AUTS2: variants seen among roughly 807,000 people sequenced by gnomAD.
AUTS2 encodes autism susceptibility gene 2 protein.
In AUTS2, 17 loss-of-function variants were observed where a neutral mutation model predicts 112.4. The observed-to-expected ratio is 0.15, with a 90% CI of 0.10 to 0.23. The LOEUF (loss-of-function observed/expected upper bound fraction) is 0.23, where lower values mean the gene tolerates loss of function less well. Among genes scored for constraint, AUTS2 ranks in the 10% least tolerant of loss-of-function variants. The pLI is 1.00. For synonymous variants in AUTS2, 751 were observed against 702.7 expected (o/e 1.07, Z -1.09); for missense variants, 1,510 against 1,701.6 (o/e 0.89, Z 1.98).
At chr7:70,477,833 A>G (rs1424732984) in intron 5 of AUTS2, among the ~76,000 whole-genome samples, 1 of 38,980 alleles carries the variant, frequency 2.6e-5, no homozygotes, top group Non-Finnish European at 4.8e-5. Context: ...CTCAGAAACA[A>G]CAAAATAGCA....
chr7:69,692,282 G>A lies in AUTS2; in HGVS notation c.309+92320G>A, dbSNP rs117947389. Among the ~76,000 whole-genome samples, 644 of 152,266 alleles carry A rather than the reference G, an allele frequency of 4.2e-3. 5 individuals are homozygous for A. The highest frequency in any genetic ancestry group is 7.1e-3 in the Non-Finnish European group (481 of 68,022). ...AATAACCACACCTTTGGAAGACTTC[G>A]GTGGTCCTTTGAAATGAGGAGTTTT... On this transcript the variant is annotated intron_variant, in intron 1 of 18. Coordinates refer to ENST00000342771, the MANE Select transcript of AUTS2 (RefSeq NM_015570.4).
At chr7:70,709,537 C>G (rs1809931405) in intron 6 of AUTS2, among the ~76,000 whole-genome samples, 1 of 152,044 alleles carries the variant, frequency 6.6e-6, no homozygotes, top group African/African-American at 2.4e-5. Flanking sequence ...ATGGCGAAAC[C>G]CCATCTCTAC....
chr7:69,777,721 C>T (rs1788955603), intron 1 of AUTS2, among the ~76,000 whole-genome samples: 1 of 152,142 alleles, frequency 6.6e-6, no homozygotes, highest in African/African-American at 2.4e-5. Context: ...AAAAATTAGG[C>T]TTCCGAGAAA....
chr7:69,721,765 G>A (rs1798956869), intron 1 of AUTS2, among the ~76,000 whole-genome samples: 1 of 152,184 alleles, frequency 6.6e-6, no homozygotes, highest in Admixed American at 6.6e-5. Flanking sequence ...TTTGTTCTGT[G>A]GTGGAGACAA....
At chr7:70,376,471 G>A (rs1562921406) in intron 4 of AUTS2, among the ~76,000 whole-genome samples, 2 of 151,932 alleles carry the variant, frequency 1.3e-5, no homozygotes, top group African/African-American at 4.8e-5. Flanking sequence ...CCGGCACACC[G>A]TAGTTGGCCA....
rs34751901 is a variant in AUTS2, at chr7:70,029,260, CTT to C, written c.523-88853_523-88852del. Among the ~76,000 whole-genome samples, 1,160 of 124,760 alleles carry C rather than the reference CTT, an allele frequency of 9.3e-3. 17 individuals are homozygous for C. Among genetic ancestry groups the C allele is most frequent in the Admixed American group, 0.04 (492 of 12,368 alleles). The allele number at this position is 124,760 out of a possible 152,430, so 81.8% of individuals were successfully genotyped here. On this transcript the variant is annotated intron_variant, in intron 2 of 18. Coordinates refer to ENST00000342771, the MANE Select transcript of AUTS2 (RefSeq NM_015570.4). ...AAATCCTCAGGTCTTTCCAGGGATA[CTT>C]TTTTTTTTTTTTTTTTTTAATATTC...
intron 1 of AUTS2, among the ~76,000 whole-genome samples, chr7:69,747,174 A>G (rs1787532038): frequency 6.6e-6 from 1 of 152,190 alleles, no homozygotes. Context: ...AATTTGCATT[A>G]TTTACAAATG....
At chr7:70,158,044 C>T (rs1230618688) in intron 4 of AUTS2, among the ~76,000 whole-genome samples, 2 of 151,914 alleles carry the variant, frequency 1.3e-5, no homozygotes, top group African/African-American at 4.8e-5. Flanking sequence ...GTGGTCATGG[C>T]GGGGGAGGAG....
intron 5 of AUTS2, among the ~76,000 whole-genome samples, chr7:70,535,058 A>G (rs576889692): frequency 7.7e-4 from 117 of 151,120 alleles, no homozygotes; most frequent in African/African-American, 2.8e-3. Flanking sequence ...AAAAGATGTA[A>G]TGTACTGGTT....
At chr7:70,104,223 T>A (rs1804650013) in intron 2 of AUTS2, among the ~76,000 whole-genome samples, 1 of 151,746 alleles carries the variant, frequency 6.6e-6, no homozygotes, top group Non-Finnish European at 1.5e-5. Flanking sequence ...CTATTATATA[T>A]CAAGGGGCTA....
At chr7:70,402,067 G>T (rs557997454) in intron 4 of AUTS2, among the ~76,000 whole-genome samples, 1 of 152,316 alleles carries the variant, frequency 6.6e-6, no homozygotes, top group East Asian at 1.9e-4. Context: ...TGGGGTCCTT[G>T]CTCCCCGCAA....
At chr7:70,067,221 C>T (rs2129561772) in intron 2 of AUTS2, among the ~76,000 whole-genome samples, 1 of 152,288 alleles carries the variant, frequency 6.6e-6, no homozygotes. Flanking sequence ...AGGCATTTAA[C>T]TTCTCTTAAT....
At chr7:70,776,783 G>C in intron 13 of AUTS2, 1 of 398,282 alleles carries the variant, frequency 2.5e-6, no homozygotes, top group Non-Finnish European at 4.7e-6. Flanking sequence ...AGGTCTGCCA[G>C]CTGGCAGCAG....
chr7:70,661,209 AG>A (rs369328312), intron 5 of AUTS2, among the ~76,000 whole-genome samples: 100 of 152,128 alleles, frequency 6.6e-4, no homozygotes, highest in African/African-American at 2.3e-3. Context: ...GGCAGAACAT[AG>A]GTTGTTTCAG....
chr7:69,630,276 A>G (rs1380270853), intron 1 of AUTS2, among the ~76,000 whole-genome samples: 4 of 152,158 alleles, frequency 2.6e-5, no homozygotes, highest in African/African-American at 9.7e-5. Context: ...ACCAAAAAAC[A>G]TATTTCTATT....
chr7:69,787,854 C>CGTTG (rs34342454), intron 1 of AUTS2, among the ~76,000 whole-genome samples: 43,220 of 152,008 alleles, frequency 0.28, 6,166 homozygotes, highest in Middle Eastern at 0.34. Context: ...GGCTTACAGG[C>CGTTG]GTTGAGCCAC....
intron 1 of AUTS2, among the ~76,000 whole-genome samples, chr7:69,777,876 C>T (rs1053027060): frequency 5.9e-5 from 9 of 152,232 alleles, no homozygotes; most frequent in Admixed American, 5.9e-4. Context: ...GGACAGATCA[C>T]TCATGCTGGT....
At chr7:69,855,211 C>A (rs1263576490) in intron 1 of AUTS2, among the ~76,000 whole-genome samples, 1 of 152,138 alleles carries the variant, frequency 6.6e-6, no homozygotes, top group African/African-American at 2.4e-5. Context: ...ATTCTAGAAG[C>A]AGAAGAAAAT....
intron 5 of AUTS2, among the ~76,000 whole-genome samples, chr7:70,611,523 C>G (rs1190957963): frequency 6.6e-6 from 1 of 152,226 alleles, no homozygotes; most frequent in Admixed American, 6.5e-5. Flanking sequence ...AAAGAGAACT[C>G]TTACTTGAGC....
Sources: allele counts gnomAD v4.1 joint callset (sites outside exome capture counted in the v4.1 genomes callset), GRCh38; gene constraint gnomAD v4.1.1; transcripts MANE v1.5; gene names NCBI Gene and HGNC (gene_info 2026-07-23, HGNC 2026-07-21).